Variants in BBS1 observed in about 807,000 individuals in gnomAD.
The protein encoded by BBS1 is Bardet-Biedl syndrome 1.
Under a neutral mutation model 73.9 loss-of-function variants are expected in BBS1, and 60 were observed. The observed-to-expected ratio is 0.81, with a 90% CI of 0.66 to 1.01. BBS1 has a LOEUF of 1.01. BBS1 is among the 50% of genes least tolerant of loss of function. The probability of loss-of-function intolerance (pLI) is 0.00; values close to 1 mark genes in which losing one functional copy is unlikely to be tolerated. For missense variants in BBS1, 718 were observed against 770.3 expected (o/e 0.93, Z 0.80); for synonymous variants, 283 against 317.4 (o/e 0.89, Z 1.15).
chr11:66,516,052 C>A, intron 7 of BBS1, 119 bp downstream of exon 7: 1 of 968,114 alleles, frequency 1.0e-6, no homozygotes, highest in Non-Finnish European at 1.6e-6. Flanking sequence ...TGCTATATCC[C>A]TTCCAGCCAT....
At chr11:66,515,141 G>T (rs1439813888) in intron 4 of BBS1, among the ~76,000 whole-genome samples, 1 of 152,074 alleles carries the variant, frequency 6.6e-6, no homozygotes, top group African/African-American at 2.4e-5. Flanking sequence ...TCTGGACAAG[G>T]TGTTGTGCTT....
At chr11:66,531,556 G>A (rs1856780519) in intron 15 of BBS1, 100 bp from the exon 16 acceptor site, 5 of 1,489,840 alleles carry the variant, frequency 3.4e-6, no homozygotes, top group Non-Finnish European at 2.8e-6. Context: ...ACCCTGCAGG[G>A]GTGCTGAGGC....
chr11:66,528,222 AAAAG>A (rs1856605780), intron 13 of BBS1, among the ~76,000 whole-genome samples: 1 of 152,190 alleles, frequency 6.6e-6, no homozygotes. Context: ...GTCTCAAAGA[AAAAG>A]AAAATGTACA....
chr11:66,511,293 A>G (rs1855939933), intron 3 of BBS1, 54 bp downstream of exon 3: 2 of 1,595,972 alleles, frequency 1.3e-6, no homozygotes, highest in Non-Finnish European at 1.7e-6. Flanking sequence ...GTACCCAGAA[A>G]TGAGATTTCC....
chr11:66,529,067 C>G (rs1387821373), intron 13 of BBS1: 6 of 982,862 alleles, frequency 6.1e-6, no homozygotes, highest in Non-Finnish European at 7.2e-6. Context: ...TGTAAAAGTA[C>G]TAGAGAAAAA....
Position 66,510,930 on chromosome 11 carries a change from G to C in BBS1, c.48-83G>C, listed in dbSNP as rs558025930. 5 of 1,498,454 alleles carry C rather than the reference G, an allele frequency of 3.3e-6. No homozygotes were observed. In the African/African-American group the frequency reaches 4.1e-5, roughly 12 times the overall value. The allele number at this position is 1,498,454 out of a possible 1,614,324, so 92.8% of individuals were successfully genotyped here. On this transcript the variant is annotated intron_variant, in intron 1 of 16. Coordinates refer to ENST00000318312, the MANE Select transcript of BBS1 (RefSeq NM_024649.5). ...CCAGACGTTCTGTACCTTATGTTCA[G>C]AGTGACCTGTACCAGCTTCCTCAAA... is the stretch of plus-strand genomic sequence containing the variant.
At position 66,510,664 on chromosome 11, in the gene BBS1, C is replaced by A; in HGVS notation, c.5C>A (p.Ala2Asp). The change falls in exon 1 of 17, where the codon GCC becomes GAC. Residue 2 changes from alanine (A) to aspartate (D), a missense_variant. Coordinates refer to ENST00000318312, the MANE Select transcript of BBS1 (RefSeq NM_024649.5). The stretch of plus-strand genomic sequence containing the variant: ...GCCAGGACGACGCCTGCGAAGATGG[C>A]CGCTGCGTCCTCATCGGATTCCGAC... Reference protein sequence around the residue: MAAASSSDSDAC... With the variant: MDAASSSDSDAC... 6.2e-7 allele frequency: 1 copy of A among 1,614,156 alleles called. No individual in the cohort carries two copies. The highest frequency in any genetic ancestry group is 8.5e-7 in the Non-Finnish European group (1 of 1,180,018).
chr11:66,526,123 G>A lies in BBS1; in HGVS notation c.1111G>A (p.Asp371Asn), dbSNP rs2134809268. The change falls in exon 12 of 17, where the codon GAT (aspartate) becomes AAT (asparagine). Residue 371 changes from aspartate (D) to asparagine (N), a missense_variant and splice_region_variant. By Grantham distance (23) the Asp-to-Asn change is conservative (BLOSUM62 1). Coordinates refer to ENST00000318312, the MANE Select transcript of BBS1 (RefSeq NM_024649.5). Reference protein sequence around the residue: ...KALLNVIHTPDAVTSLCFGRY... With the variant: ...KALLNVIHTPNAVTSLCFGRY... ...ACTAAACTCTGACGTCTCCACATAG[G>A]ATGCAGTGACCAGCCTTTGCTTTGG... 1 of 1,614,154 alleles carries A rather than the reference G, an allele frequency of 6.2e-7. No individual in the cohort carries two copies. Among genetic ancestry groups the A allele is most frequent in the South Asian group, 1.1e-5 (1 of 91,082 alleles).
At chr11:66,518,757 CTT>C (rs58220840) in intron 7 of BBS1, among the ~76,000 whole-genome samples, 44 of 131,516 alleles carry the variant, frequency 3.3e-4, no homozygotes, top group Admixed American at 5.4e-4. Context: ...CAGCCCTTTT[CTT>C]TTTTTTTTTT....
intron 7 of BBS1, among the ~76,000 whole-genome samples, chr11:66,519,155 C>G (rs1007295546): frequency 6.6e-6 from 1 of 152,096 alleles, no homozygotes; most frequent in Non-Finnish European, 1.5e-5. Flanking sequence ...GGGGCTGAGG[C>G]GGGTGGATCA....
chr11:66,512,032 G>GTA (rs927228176), intron 3 of BBS1, among the ~76,000 whole-genome samples: 1 of 144,176 alleles, frequency 6.9e-6, no homozygotes, highest in African/African-American at 2.6e-5. Context: ...GTATATATAT[G>GTA]TATATATATG....
At chr11:66,529,540 G>T in intron 13 of BBS1, 1 of 709,474 alleles carries the variant, frequency 1.4e-6, no homozygotes, top group Non-Finnish European at 2.5e-6. Context: ...AGACTCAGGA[G>T]AACACCAGCC....
chr11:66,517,000 C>T (rs1209572991), intron 7 of BBS1, among the ~76,000 whole-genome samples: 1 of 152,032 alleles, frequency 6.6e-6, no homozygotes, highest in African/African-American at 2.4e-5. Context: ...GAGATCGAGA[C>T]CATCCTGGCT....
rs145836787 is a variant in BBS1, at chr11:66,525,673, G to A, written c.1111-450G>A. On this transcript the variant is annotated intron_variant, in intron 11 of 16. Coordinates refer to ENST00000318312, the MANE Select transcript of BBS1 (RefSeq NM_024649.5). Reference sequence around the variant, plus strand: ...TTGGGCCATAGGTGCTGGGAGGGCCGGTGGTATGCTCGTTGAAAGAAGGGT... The same window carrying A: ...TTGGGCCATAGGTGCTGGGAGGGCCAGTGGTATGCTCGTTGAAAGAAGGGT... 4.6e-5 allele frequency among the ~76,000 whole-genome samples: 7 copies of A among 152,328 alleles called. 1 individual carries two copies. Among genetic ancestry groups the A allele is most frequent in the African/African-American group, 1.4e-4 (6 of 41,582 alleles).
In BBS1 at chr11:66,532,166, C is replaced by T. The variant is rs574111594; in HGVS notation, c.*129C>T. 85 of 972,018 alleles carry T rather than the reference C, an allele frequency of 8.7e-5. No homozygotes were observed. Among genetic ancestry groups the T allele is most frequent in the Non-Finnish European group, 2.1e-5 (14 of 658,722 alleles). The allele number at this position is 972,018 out of a possible 1,614,324, so 60.2% of individuals were successfully genotyped here. On this transcript the variant is annotated 3_prime_UTR_variant, in exon 17 of 17. Transcript: ENST00000318312. ...GCTCGTCTCCCCTCTCTTAAGCACCCGCTTCCTCACCACCCCCACTGTTGG... is the reference window on the plus strand; with the variant it reads ...GCTCGTCTCCCCTCTCTTAAGCACCTGCTTCCTCACCACCCCCACTGTTGG...
At chr11:66,524,896 A>T (rs950653419) in intron 11 of BBS1, among the ~76,000 whole-genome samples, 1 of 151,370 alleles carries the variant, frequency 6.6e-6, no homozygotes, top group African/African-American at 2.4e-5. Context: ...CTCTACTAAA[A>T]ATAAACAAAT....
intron 11 of BBS1, 122 bp from the exon 12 acceptor site, chr11:66,526,001 G>A (rs1002879367): frequency 8.6e-6 from 7 of 818,572 alleles, no homozygotes; most frequent in Middle Eastern, 2.2e-4. Context: ...CAGAGGCAGC[G>A]ATTCCCCAGG....
intron 9 of BBS1, 56 bp from the exon 10 acceptor site, chr11:66,523,399 GC>G: frequency 6.2e-7 from 1 of 1,613,546 alleles, no homozygotes; most frequent in Non-Finnish European, 8.5e-7. Flanking sequence ...AGGAGGGTCA[GC>G]CATAGAAGTG....
chr11:66,518,176 C>T (rs181777901), intron 7 of BBS1, among the ~76,000 whole-genome samples: 273 of 151,700 alleles, frequency 1.8e-3, no homozygotes, highest in African/African-American at 6.0e-3. Flanking sequence ...AGGCTGGTCT[C>T]GAACTCCCAA....
Sources: allele counts gnomAD v4.1 joint callset (sites outside exome capture counted in the v4.1 genomes callset), GRCh38; gene constraint gnomAD v4.1.1; transcripts MANE v1.5; gene names NCBI Gene and HGNC (gene_info 2026-07-23, HGNC 2026-07-21).